RIN2: variants seen among roughly 807,000 people sequenced by gnomAD.
RIN2 encodes Ras and Rab interactor 2, also known as RAB5 interacting protein 2.
In RIN2, 36 loss-of-function variants were observed where a neutral mutation model predicts 78.0. The ratio of observed to expected loss-of-function variants is 0.46; its 90% confidence interval spans 0.35 to 0.61. The LOEUF is 0.61. RIN2 is among the 20% of genes least tolerant of loss of function. The pLI is 0.00. For synonymous variants in RIN2, 466 were observed against 466.8 expected (o/e 1.00, Z 0.02); for missense variants, 1,087 against 1,159.7 (o/e 0.94, Z 0.91).
At chr20:19,936,152 T>C (rs1050301333) in intron 4 of RIN2, among the ~76,000 whole-genome samples, 2 of 152,322 alleles carry the variant, frequency 1.3e-5, no homozygotes, top group South Asian at 2.1e-4. Context: ...GGTACTTTGA[T>C]ACCCGATGTC....
Position 19,975,127 on chromosome 20 carries a change from C to G in RIN2, c.1102C>G (p.Leu368Val). ...PPRLKKQASF[L>V]EAEGGAKTLS... ...CCGGCTGAAGAAGCAGGCTTCTTTTCTGGAAGCAGAGGGCGGTGCAAAGAC... is the reference window on the plus strand; with the variant it reads ...CCGGCTGAAGAAGCAGGCTTCTTTTGTGGAAGCAGAGGGCGGTGCAAAGAC... The change falls in exon 9 of 13, where the codon CTG becomes GTG. Residue 368 changes from leucine (L) to valine (V), a missense_variant. By Grantham distance (32) the Leu-to-Val change is conservative. This residue lies in a region of RIN2 where 706 missense variants were observed against 667.5 expected (regional missense o/e 1.06). Coordinates refer to ENST00000255006, the MANE Select transcript of RIN2 (RefSeq NM_018993.4). The surrounding 1 kb of genome is among the most constrained non-coding windows in gnomAD (Gnocchi z 4.9). 1.2e-6 allele frequency: 2 copies of G among 1,613,328 alleles called. No individual in the cohort carries two copies. The highest frequency in any genetic ancestry group is 1.7e-6 in the Non-Finnish European group (2 of 1,179,896).
chr20:19,856,364 A>G (rs936144714), intron 2 of RIN2, among the ~76,000 whole-genome samples: 1 of 152,074 alleles, frequency 6.6e-6, no homozygotes, highest in Non-Finnish European at 1.5e-5. Context: ...AATAAATTTA[A>G]AAAATAATTT....
At chr20:19,831,703 G>A (rs1213152633) in intron 2 of RIN2, among the ~76,000 whole-genome samples, 2 of 152,172 alleles carry the variant, frequency 1.3e-5, no homozygotes, top group African/African-American at 2.4e-5. Flanking sequence ...CATTCGTTGA[G>A]CAGGTACAAT....
At chr20:19,984,969 G>T (rs908342069) in intron 9 of RIN2, among the ~76,000 whole-genome samples, 8 of 152,176 alleles carry the variant, frequency 5.3e-5, no homozygotes, top group African/African-American at 1.7e-4. Context: ...GCTCTGTCTT[G>T]CCTTCTGTGG....
chr20:19,970,941 C>A lies in RIN2; in HGVS notation c.628+12C>A. On this transcript the variant is annotated intron_variant, in intron 8 of 12. Coordinates refer to ENST00000255006, the MANE Select transcript of RIN2 (RefSeq NM_018993.4). ...CCAGATGGGACTAAGTAAGTGTGTG[C>A]CCCCTGCCTGAGTCTATCTAAAAAT... is the stretch of plus-strand genomic sequence containing the variant. The A allele has an allele frequency of 1.3e-6, 2 of 1,597,260 alleles. No homozygotes were observed. The highest frequency in any genetic ancestry group is 1.7e-6 in the Non-Finnish European group (2 of 1,167,554).
At chr20:19,882,350 A>G (rs1372613784) in intron 2 of RIN2, among the ~76,000 whole-genome samples, 1 of 152,238 alleles carries the variant, frequency 6.6e-6, no homozygotes, top group Non-Finnish European at 1.5e-5. Flanking sequence ...CAAAGTTTAC[A>G]AGGAAAGTAT....
At chr20:19,891,759 C>A (rs1299545980) in intron 3 of RIN2, among the ~76,000 whole-genome samples, 1 of 21,680 alleles carries the variant, frequency 4.6e-5, no homozygotes, top group East Asian at 2.2e-3. Flanking sequence ...GTGGAGGTTG[C>A]AGGAGGTTGC....
At chr20:19,899,169 C>G (rs774355467) in intron 3 of RIN2, among the ~76,000 whole-genome samples, 3 of 152,076 alleles carry the variant, frequency 2.0e-5, no homozygotes, top group Non-Finnish European at 4.4e-5. Flanking sequence ...CTTAAAAAAT[C>G]AAATGTCTTC....
chr20:19,909,443 T>C (rs2039365915), intron 3 of RIN2, among the ~76,000 whole-genome samples: 1 of 152,198 alleles, frequency 6.6e-6, no homozygotes, highest in African/African-American at 2.4e-5. Flanking sequence ...TATACTGAAA[T>C]TGAAATCATT....
Position 19,844,601 on chromosome 20 carries a change from C to CTCTTCTTCT in RIN2, c.-36-44905_-36-44897dup, listed in dbSNP as rs1181481041. 3.1e-3 allele frequency among the ~76,000 whole-genome samples: 386 copies of CTCTTCTTCT among 122,804 alleles called. 3 individuals carry two copies. Among genetic ancestry groups the CTCTTCTTCT allele is most frequent in the Middle Eastern group, 8.8e-3 (2 of 228 alleles). 80.6% of individuals were successfully genotyped at this position (122,804 alleles called of 152,430 possible). On this transcript the variant is annotated intron_variant, in intron 2 of 12. Transcript: ENST00000255006. Reference sequence around the variant, plus strand: ...CTGCTGCTGCTGCTGCTGCTTCTTCCTCTTCTTCTTCTTCTTCTTCTTCTT... The same window carrying CTCTTCTTCT: ...CTGCTGCTGCTGCTGCTGCTTCTTCCTCTTCTTCTTCTTCTTCTTCTTCTTCTTCTTCTT...
At chr20:19,948,471 T>G (rs1009804603) in intron 4 of RIN2, among the ~76,000 whole-genome samples, 2 of 152,154 alleles carry the variant, frequency 1.3e-5, no homozygotes, top group South Asian at 2.1e-4. Context: ...CTCGGCTTAC[T>G]GCAACCTCCG....
At chr20:19,821,119 A>G (rs62200174) in intron 2 of RIN2, among the ~76,000 whole-genome samples, 5,744 of 151,820 alleles carry the variant, frequency 0.038, 161 homozygotes, top group South Asian at 0.084. Context: ...GCCCGCTTTA[A>G]CTCTGTTTCT....
chr20:19,943,506 C>A (rs984801110), intron 4 of RIN2, among the ~76,000 whole-genome samples: 1 of 152,088 alleles, frequency 6.6e-6, no homozygotes, highest in Admixed American at 6.5e-5. Context: ...AAGCAGCAGC[C>A]CTTCGCCATG....
In RIN2 at chr20:19,974,927, C is replaced by A. The variant is rs1215382309; in HGVS notation, c.902C>A (p.Thr301Lys). The A allele has an allele frequency of 1.9e-6, 3 of 1,613,762 alleles. No individual in the cohort carries two copies. Among genetic ancestry groups the A allele is most frequent in the African/African-American group, 2.7e-5 (2 of 75,058 alleles). Residue 301 changes from threonine to lysine, a missense_variant, in exon 9 of 13, where the codon ACG becomes AAG. By Grantham distance (78) the Thr-to-Lys change is moderately conservative (BLOSUM62 -1). Coordinates refer to ENST00000255006, the MANE Select transcript of RIN2 (RefSeq NM_018993.4). ...PSTRTPNANG[T>K]ERTRSPPPRP... is the part of the protein sequence containing the mutation. The stretch of plus-strand genomic sequence containing the variant: ...ACAAGGACTCCCAACGCGAATGGCA[C>A]GGAGCGGACTCGGTCCCCCCCACCC...
intron 2 of RIN2, among the ~76,000 whole-genome samples, chr20:19,803,513 C>T (rs1000843652): frequency 2.6e-5 from 4 of 152,068 alleles, no homozygotes; most frequent in East Asian, 3.9e-4. Context: ...ATTTAATAAA[C>T]GGTACTAGGA....
chr20:19,798,502 A>T (rs2035136553), intron 1 of RIN2, among the ~76,000 whole-genome samples: 1 of 152,032 alleles, frequency 6.6e-6, no homozygotes, highest in African/African-American at 2.4e-5. Context: ...AGCAGTGGGA[A>T]AAAAAGAATG....
chr20:19,830,015 G>A (rs928952155), intron 2 of RIN2, among the ~76,000 whole-genome samples: 12 of 152,190 alleles, frequency 7.9e-5, no homozygotes, highest in East Asian at 1.9e-4. Context: ...TTTTTGCATC[G>A]TATGTTGGAA....
chr20:19,838,569 GGGA>G (rs1600580205), intron 2 of RIN2, among the ~76,000 whole-genome samples: 2 of 152,162 alleles, frequency 1.3e-5, no homozygotes, highest in Non-Finnish European at 2.9e-5. Context: ...GTGTGACCCT[GGGA>G]GGATCGTGTG....
chr20:19,818,206 T>A (rs1026537732), intron 2 of RIN2, among the ~76,000 whole-genome samples: 4 of 150,142 alleles, frequency 2.7e-5, no homozygotes, highest in Non-Finnish European at 1.5e-5. Context: ...GATTTTTTTT[T>A]AAATAGTACA....
Sources: allele counts gnomAD v4.1 joint callset (sites outside exome capture counted in the v4.1 genomes callset), GRCh38; gene constraint gnomAD v4.1.1; regional missense constraint gnomAD v4.1.1; non-coding constraint Gnocchi (gnomAD v3.1); transcripts MANE v1.5; gene names NCBI Gene and HGNC (gene_info 2026-07-23, HGNC 2026-07-21).